The following OR56A4 variants were observed in gnomAD, a reference collection of about 807,000 sequenced individuals.
OR56A4 encodes olfactory receptor 56A4.
In OR56A4, 9 loss-of-function variants were observed where a neutral mutation model predicts 13.6. The ratio of observed to expected loss-of-function variants is 0.66; its 90% CI spans 0.40 to 1.15. The LOEUF (loss-of-function observed/expected upper bound fraction) is 1.15. Ranked by LOEUF, OR56A4 falls within the 50% of genes most tolerant of loss-of-function variation. The pLI is 0.01. For synonymous variants in OR56A4, 167 were observed against 153.9 expected (o/e 1.08, Z -0.63); for missense variants, 380 against 375.9 (o/e 1.01, Z -0.09).
intron 2 of OR56A4, among the ~76,000 whole-genome samples, chr11:6,004,592 TA>T (rs1417044889): frequency 6.6e-6 from 1 of 152,194 alleles, no homozygotes; most frequent in Non-Finnish European, 1.5e-5. Context: ...ATACATTATT[TA>T]AAAAAATTTA....
At position 5,999,658 on chromosome 11, in the gene OR56A4, T is replaced by G. The variant is rs150136501; in HGVS notation, c.*2393A>C. On this transcript the variant is annotated 3_prime_UTR_variant, in exon 3 of 3. Coordinates refer to ENST00000641156, the MANE Select transcript of OR56A4 (RefSeq NM_001005179.4). ...GACATATAATAGTATAAGATTTTAT[T>G]GTTGTTTCCAAGTAGTTATTAAAGA... 3 of 152,252 alleles carry G rather than the reference T, an allele frequency of 2.0e-5. No individual in the cohort carries two copies. Among genetic ancestry groups the G allele is most frequent in the Non-Finnish European group, 4.4e-5 (3 of 68,048 alleles). 9.4% of individuals were successfully genotyped at this position (152,252 alleles called of 1,614,324 possible).
rs558545268 is a variant in OR56A4 at position 6,006,282 on chromosome 11, C to G, written c.-70G>C. 1.3e-5 allele frequency: 2 copies of G among 152,238 alleles called. No homozygotes were observed. Among genetic ancestry groups the G allele is most frequent in the East Asian group, 1.9e-4 (1 of 5,184 alleles). 9.4% of individuals were successfully genotyped at this position (152,238 alleles called of 1,614,324 possible). On this transcript the variant is annotated 5_prime_UTR_variant, in exon 2 of 3. Transcript: ENST00000641156. The stretch of plus-strand genomic sequence containing the variant: ...TCCTTAATAGCTGGAATGATTTTTC[C>G]TCCCTCTGAATTTTCCTTAGTGAAA...
chr11:6,002,679 A>T lies in OR56A4; in HGVS notation c.314T>A (p.Phe105Tyr), dbSNP rs1192383339. The T allele has an allele frequency of 1.4e-5, 22 of 1,614,122 alleles. No homozygotes were observed. The highest frequency in any genetic ancestry group is 1.9e-5 in the Non-Finnish European group (22 of 1,180,058). The change falls in exon 3 of 3, where the codon TTC becomes TAC. Residue 105 changes from phenylalanine to tyrosine, a missense_variant. Coordinates refer to ENST00000641156, the MANE Select transcript of OR56A4 (RefSeq NM_001005179.4). ...ISFPACFLQMFIMNSFLTMES... is the reference protein window; with the variant it reads ...ISFPACFLQMYIMNSFLTMES... The stretch of plus-strand genomic sequence containing the variant: ...CATGGTCAAAAAACTGTTCATGATG[A>T]ACATCTGGAGGAAGCAGGCTGGGAA...
chr11:6,001,910 C>G lies in OR56A4; in HGVS notation c.*141G>C. On this transcript the variant is annotated 3_prime_UTR_variant, in exon 3 of 3. Coordinates refer to ENST00000641156, the MANE Select transcript of OR56A4 (RefSeq NM_001005179.4). Reference sequence around the variant, plus strand: ...TCACAAATAAATGTGTTCATTGTTGCCTGAGATATTGAGAACAGAAGAATC... The same window carrying G: ...TCACAAATAAATGTGTTCATTGTTGGCTGAGATATTGAGAACAGAAGAATC... 1 of 729,682 alleles carries G rather than the reference C, an allele frequency of 1.4e-6. No homozygotes were observed. The highest frequency in any genetic ancestry group is 2.1e-6 in the Non-Finnish European group (1 of 476,256). The allele number at this position is 729,682 out of a possible 1,614,324, so 45.2% of individuals were successfully genotyped here.
Position 5,999,737 on chromosome 11 carries a change from A to G in OR56A4, c.*2314T>C, listed in dbSNP as rs1345403245. Reference sequence around the variant, plus strand: ...ATGTTCTACAGATTTTGTTCAACACATTTTTATTTTAAATTTATCTGTATG... The same window carrying G: ...ATGTTCTACAGATTTTGTTCAACACGTTTTTATTTTAAATTTATCTGTATG... On this transcript the variant is annotated 3_prime_UTR_variant, in exon 3 of 3. Coordinates refer to ENST00000641156, the MANE Select transcript of OR56A4 (RefSeq NM_001005179.4). The G allele has an allele frequency of 6.6e-6, 1 of 152,224 alleles. No individual in the cohort carries two copies. Among genetic ancestry groups the G allele is most frequent in the East Asian group, 1.9e-4 (1 of 5,204 alleles). The allele number at this position is 152,224 out of a possible 1,614,324, so 9.4% of individuals were successfully genotyped here.
Position 6,002,125 on chromosome 11 carries a change from G to C in OR56A4, c.868C>G (p.Leu290Val). The change falls in exon 3 of 3, where the codon CTG (leucine) becomes GTG (valine). Residue 290 changes from leucine to valine, a missense_variant. By Grantham distance (32) the Leu-to-Val change is conservative. Transcript: ENST00000641156. The part of the protein sequence containing the change: ...NILHHLIPPA[L>V]NPIVYGVRTK... ...CTCACACCATAAACAATGGGGTTCA[G>C]AGCTGGGGGAATGAGGTGGTGCAGG... 1 of 1,614,016 alleles carries C rather than the reference G, an allele frequency of 6.2e-7. No individual in the cohort carries two copies. The highest frequency in any genetic ancestry group is 8.5e-7 in the Non-Finnish European group (1 of 1,179,950).
rs1848212563 is a variant in OR56A4, at chr11:6,001,480, A to G, written c.*571T>C. ...CAGACTGAATATCTTAATTGGGTCT[A>G]GGAGAATTTTAGGAGCCAGTGAATA... On this transcript the variant is annotated 3_prime_UTR_variant, in exon 3 of 3. Transcript: ENST00000641156. 6.6e-6 allele frequency: 1 copy of G among 152,316 alleles called. No individual in the cohort carries two copies. Among genetic ancestry groups the G allele is most frequent in the Non-Finnish European group, 1.5e-5 (1 of 68,152 alleles). The allele number at this position is 152,316 out of a possible 1,614,324, so 9.4% of individuals were successfully genotyped here. A position where few individuals can be genotyped will look rare whatever the true frequency, so the allele number is the denominator to read the frequency against.
intron 2 of OR56A4, among the ~76,000 whole-genome samples, chr11:6,005,428 A>G (rs571781391): frequency 5.3e-5 from 8 of 152,332 alleles, no homozygotes; most frequent in Non-Finnish European, 8.8e-5. Flanking sequence ...GGGAGAGTAG[A>G]GTGTCAAAAG....
chr11:6,003,715 G>A (rs914202889), intron 2 of OR56A4, among the ~76,000 whole-genome samples: 2 of 152,046 alleles, frequency 1.3e-5, no homozygotes, highest in Non-Finnish European at 2.9e-5. Context: ...TTTTTTCCTT[G>A]TCAGTGTTAT....
chr11:6,001,436 T>G lies in OR56A4; in HGVS notation c.*615A>C, dbSNP rs370747213. ...AGTAGAGAGAAAGAATAGAAAACGC[T>G]GCCCTCAGAGAGGTGGTACAGACTG... On this transcript the variant is annotated 3_prime_UTR_variant, in exon 3 of 3. Coordinates refer to ENST00000641156, the MANE Select transcript of OR56A4 (RefSeq NM_001005179.4). The G allele has an allele frequency of 3.3e-5, 5 of 152,352 alleles. No homozygotes were observed. In the East Asian group the frequency reaches 7.7e-4, roughly 24 times the overall value. 9.4% of individuals were successfully genotyped at this position (152,352 alleles called of 1,614,324 possible). A position where few individuals can be genotyped will look rare whatever the true frequency, so the allele number is the denominator to read the frequency against.
chr11:6,004,691 A>T (rs1848244186), intron 2 of OR56A4, among the ~76,000 whole-genome samples: 1 of 152,216 alleles, frequency 6.6e-6, no homozygotes, highest in Non-Finnish European at 1.5e-5. Context: ...CCTGCATTTC[A>T]ATATCTGATT....
rs1848199504 is a variant in OR56A4 at position 5,999,449 on chromosome 11, A to C, written c.*2602T>G. On this transcript the variant is annotated 3_prime_UTR_variant, in exon 3 of 3. Transcript: ENST00000641156. The stretch of plus-strand genomic sequence containing the variant: ...AATAAATTAACACCATTTTCAAGGT[A>C]ATTAAGCCAGAATTTATGAGTTTAA... 1 of 152,232 alleles carries C rather than the reference A, an allele frequency of 6.6e-6. No individual in the cohort carries two copies. The highest frequency in any genetic ancestry group is 1.5e-5 in the Non-Finnish European group (1 of 68,038). The allele number at this position is 152,232 out of a possible 1,614,324, so 9.4% of individuals were successfully genotyped here. A position where few individuals can be genotyped will look rare whatever the true frequency, so the allele number is the denominator to read the frequency against.
At chr11:6,005,208 T>C (rs974780932) in intron 2 of OR56A4, among the ~76,000 whole-genome samples, 2 of 152,158 alleles carry the variant, frequency 1.3e-5, no homozygotes, top group African/African-American at 2.4e-5. Context: ...GGGGCTGTCA[T>C]ATTCTGAAGT....
chr11:6,003,085 A>G, intron 2 of OR56A4, 57 bp from the exon 3 acceptor site: 1 of 1,609,100 alleles, frequency 6.2e-7, no homozygotes, highest in Non-Finnish European at 8.5e-7. Context: ...GACGTAGTAG[A>G]GTGTGGGTTT....
intron 2 of OR56A4, among the ~76,000 whole-genome samples, chr11:6,006,032 C>T (rs1180599577): frequency 6.6e-6 from 1 of 152,070 alleles, no homozygotes; most frequent in South Asian, 2.1e-4. Flanking sequence ...AAAGTAATAA[C>T]CATGTAAATG....
intron 2 of OR56A4, chr11:6,003,271 G>A: frequency 3.3e-6 from 2 of 598,790 alleles, no homozygotes; most frequent in South Asian, 6.5e-5. Flanking sequence ...AATGTTACAG[G>A]TAATAAAATA....
chr11:6,006,201 T>C (rs548158736), intron 2 of OR56A4, 48 bp downstream of exon 2: 5 of 152,332 alleles, frequency 3.3e-5, no homozygotes, highest in African/African-American at 1.2e-4. Flanking sequence ...GTAGCACTGA[T>C]AGATTCTTCC....
Position 5,999,678 on chromosome 11 carries a change from T to C in OR56A4, c.*2373A>G, listed in dbSNP as rs978613653. ...TTTATTGTTGTTTCCAAGTAGTTAT[T>C]AAAGAAAATGAGAGATGAGAGATCA... On this transcript the variant is annotated 3_prime_UTR_variant, in exon 3 of 3. Coordinates refer to ENST00000641156, the MANE Select transcript of OR56A4 (RefSeq NM_001005179.4). 1 of 152,192 alleles carries C rather than the reference T, an allele frequency of 6.6e-6. No individual in the cohort carries two copies. Among genetic ancestry groups the C allele is most frequent in the Non-Finnish European group, 1.5e-5 (1 of 68,042 alleles). The allele number at this position is 152,192 out of a possible 1,614,324, so 9.4% of individuals were successfully genotyped here.
At chr11:6,003,808 A>G (rs756425076) in intron 2 of OR56A4, among the ~76,000 whole-genome samples, 3 of 152,180 alleles carry the variant, frequency 2.0e-5, no homozygotes, top group Non-Finnish European at 4.4e-5. Context: ...GATGGAATAG[A>G]AGTCAGAGAG....
Sources: gnomAD v4.1 joint callset for allele counts (sites outside exome capture counted in the v4.1 genomes callset) on GRCh38, gnomAD v4.1.1 for gene constraint, MANE v1.5 for transcripts, NCBI Gene and HGNC (gene_info 2026-07-23, HGNC 2026-07-21) for gene names.